The following SLC8A1 variants were observed in gnomAD, a reference collection of about 807,000 sequenced individuals.
SLC8A1 encodes sodium/calcium exchanger 1.
A neutral mutation model predicts 68.3 loss-of-function variants in SLC8A1; 18 were observed. The observed-to-expected ratio is 0.26, with a 90% CI of 0.18 to 0.39. The LOEUF is 0.39. Among genes scored for constraint, SLC8A1 ranks in the 10% least tolerant of loss-of-function variants. SLC8A1 has a pLI of 1.00. For synonymous variants in SLC8A1, 475 were observed against 415.5 expected (o/e 1.14, Z -1.74); for missense variants, 985 against 1,156.7 (o/e 0.85, Z 2.15).
At chr2:40,182,000 T>C (rs1335875786) in intron 2 of SLC8A1, among the ~76,000 whole-genome samples, 1 of 152,202 alleles carries the variant, frequency 6.6e-6, no homozygotes, top group Non-Finnish European at 1.5e-5. Flanking sequence ...TCTCAAGGAC[T>C]GACGGAACCT....
At chr2:40,256,502 GA>G (rs1419867344) in intron 2 of SLC8A1, among the ~76,000 whole-genome samples, 3 of 152,182 alleles carry the variant, frequency 2.0e-5, no homozygotes, top group African/African-American at 7.2e-5. Context: ...TAATGGGAGT[GA>G]TTCTATCTTT....
At chr2:40,472,081 A>G (rs972426084) in intron 1 of SLC8A1, among the ~76,000 whole-genome samples, 1 of 152,184 alleles carries the variant, frequency 6.6e-6, no homozygotes, top group Non-Finnish European at 1.5e-5. Context: ...ATGGAAGTGG[A>G]GGAATCAAAG....
At chr2:40,300,664 T>C (rs775257421) in intron 2 of SLC8A1, among the ~76,000 whole-genome samples, 1 of 152,042 alleles carries the variant, frequency 6.6e-6, no homozygotes, top group Non-Finnish European at 1.5e-5. Flanking sequence ...GAACTTGAGC[T>C]CAGATTTTGG....
intron 7 of SLC8A1, among the ~76,000 whole-genome samples, chr2:40,135,929 T>G (rs1379937133): frequency 6.6e-6 from 1 of 152,172 alleles, no homozygotes; most frequent in East Asian, 1.9e-4. Context: ...AGCTGCAAAT[T>G]ACATGTCTGG....
At chr2:40,357,039 G>T (rs796484759) in intron 2 of SLC8A1, among the ~76,000 whole-genome samples, 1 of 152,130 alleles carries the variant, frequency 6.6e-6, no homozygotes, top group South Asian at 2.1e-4. Context: ...AGTTACATCT[G>T]CAGAACACAG....
chr2:40,401,136 G>C (rs1230100166), intron 2 of SLC8A1, among the ~76,000 whole-genome samples: 1 of 152,176 alleles, frequency 6.6e-6, no homozygotes, highest in South Asian at 2.1e-4. Context: ...AAACCTGATT[G>C]CAAGTCTTCT....
chr2:40,402,239 A>C (rs1688956527), intron 2 of SLC8A1, among the ~76,000 whole-genome samples: 1 of 152,188 alleles, frequency 6.6e-6, no homozygotes, highest in South Asian at 2.1e-4. Context: ...AGACACTCCC[A>C]CCAGCACCAT....
At chr2:40,358,247 T>G (rs1213510142) in intron 2 of SLC8A1, among the ~76,000 whole-genome samples, 2 of 150,042 alleles carry the variant, frequency 1.3e-5, no homozygotes, top group African/African-American at 5.0e-5. Context: ...GCAGATAATT[T>G]TTAAAATTAA....
intron 2 of SLC8A1, among the ~76,000 whole-genome samples, chr2:40,327,066 A>T (rs1354702594): frequency 6.6e-6 from 1 of 152,234 alleles, no homozygotes; most frequent in African/African-American, 2.4e-5. Flanking sequence ...AAAAGAAAAG[A>T]AACTACTTAC....
intron 1 of SLC8A1, among the ~76,000 whole-genome samples, chr2:40,471,150 A>G (rs1274909762): frequency 2.6e-5 from 4 of 152,190 alleles, no homozygotes; most frequent in African/African-American, 9.7e-5. Flanking sequence ...AATGGAGACT[A>G]CATATGAAGC....
intron 1 of SLC8A1, among the ~76,000 whole-genome samples, chr2:40,500,771 A>ATAAGG (rs1303004302): frequency 7.4e-6 from 1 of 134,960 alleles, no homozygotes; most frequent in Non-Finnish European, 1.6e-5. Context: ...CACTGAACCT[A>ATAAGG]TAAGGTAAGG....
At chr2:40,175,225 A>G in intron 3 of SLC8A1, 36 bp downstream of exon 4, 1 of 1,604,862 alleles carries the variant, frequency 6.2e-7, no homozygotes, top group African/African-American at 1.3e-5. Flanking sequence ...ATAATCTAGA[A>G]AAATGGAAAG....
intron 2 of SLC8A1, among the ~76,000 whole-genome samples, chr2:40,361,541 A>T (rs1473001112): frequency 2.0e-5 from 3 of 151,614 alleles, no homozygotes; most frequent in Non-Finnish European, 4.4e-5. Context: ...TGGCCATTTC[A>T]TACAAAGGGA....
chr2:40,202,830 C>T (rs2054646120), intron 2 of SLC8A1, among the ~76,000 whole-genome samples: 1 of 151,984 alleles, frequency 6.6e-6, no homozygotes. Flanking sequence ...GGCCTGCAAG[C>T]ATGTGTTCAT....
At chr2:40,346,012 T>A (rs1342658379) in intron 2 of SLC8A1, among the ~76,000 whole-genome samples, 1 of 59,372 alleles carries the variant, frequency 1.7e-5, no homozygotes, top group South Asian at 4.6e-4. Context: ...TAAAGTAAAA[T>A]TAAAATAAAT....
At chr2:40,470,767 A>G (rs1703949042) in intron 1 of SLC8A1, among the ~76,000 whole-genome samples, 1 of 152,066 alleles carries the variant, frequency 6.6e-6, no homozygotes, top group Admixed American at 6.5e-5. Context: ...ACTTTCATTA[A>G]GACTTAATTT....
intron 2 of SLC8A1, among the ~76,000 whole-genome samples, chr2:40,206,962 C>A (rs925998740): frequency 2.0e-5 from 3 of 151,948 alleles, no homozygotes; most frequent in African/African-American, 7.3e-5. Context: ...TACAGAAAAG[C>A]TGGATTCTGA....
exon 8 of SLC8A1, chr2:40,101,400 CA>C (rs2033884000): frequency 6.6e-6 from 1 of 152,080 alleles, no homozygotes; most frequent in South Asian, 2.1e-4. Context: ...AGTGGTTTAG[CA>C]TTAAGACAAA....
intron 2 of SLC8A1, among the ~76,000 whole-genome samples, chr2:40,289,654 C>T (rs2068937109): frequency 6.6e-6 from 1 of 151,912 alleles, no homozygotes; most frequent in South Asian, 2.1e-4. Context: ...AGTTGGAGAC[C>T]AGCCTGGCCA....
Sources: allele counts gnomAD v4.1 joint callset (sites outside exome capture counted in the v4.1 genomes callset), GRCh38; gene constraint gnomAD v4.1.1; transcripts MANE v1.5; gene names NCBI Gene and HGNC (gene_info 2026-07-23, HGNC 2026-07-21).